Variants in NHSL1 observed in about 807,000 individuals in gnomAD.
The protein encoded by NHSL1 is NHS like 1.
A neutral mutation model predicts 95.0 loss-of-function variants in NHSL1; 48 were observed. The ratio of observed to expected loss-of-function variants is 0.51; its 90% confidence interval spans 0.40 to 0.64. The LOEUF is 0.64. NHSL1 is among the 30% of genes least tolerant of loss of function. The pLI, the probability that NHSL1 is intolerant of heterozygous loss-of-function variation, is 0.00. For missense variants in NHSL1, 1,971 were observed against 2,077.7 expected, an observed-to-expected ratio of 0.95 and a Z score of 1.00; for synonymous variants, 783 against 833.9, an observed-to-expected ratio of 0.94 and a Z score of 1.05.
chr6:138,619,845 G>A (rs1784629978), intron 1 of NHSL1, among the ~76,000 whole-genome samples: 1 of 151,884 alleles, frequency 6.6e-6, no homozygotes, highest in African/African-American at 2.4e-5. Flanking sequence ...CTACTCTGGA[G>A]GCTGAGGCAG....
Position 138,448,505 on chromosome 6 carries a change from C to T in NHSL1, c.340-1312G>A, listed in dbSNP as rs149531462. Reference sequence around the variant, plus strand: ...ACAACCAGCACCCAGTTCAATACACCCGCTACCCCAACCACATACCCCCAA... The same window carrying T: ...ACAACCAGCACCCAGTTCAATACACTCGCTACCCCAACCACATACCCCCAA... On this transcript the variant is annotated intron_variant, in intron 3 of 7. Coordinates refer to ENST00000343505, the MANE Select transcript of NHSL1 (RefSeq NM_001144060.2). Among the ~76,000 whole-genome samples the T allele has an allele frequency of 2.6e-5, 4 of 152,256 alleles. No homozygotes were observed. In the East Asian group the frequency reaches 7.7e-4, roughly 29 times the overall value.
At chr6:138,538,674 T>C (rs1477013948) in intron 1 of NHSL1, among the ~76,000 whole-genome samples, 1 of 152,180 alleles carries the variant, frequency 6.6e-6, no homozygotes, top group Admixed American at 6.5e-5. Context: ...TGAAACAAAA[T>C]AATGAAGAAC....
chr6:138,499,167 A>AGG lies in NHSL1; in HGVS notation c.58+64_58+65dup. The AGG allele has an allele frequency of 2.9e-6, 3 of 1,041,984 alleles. No homozygotes were observed. The Admixed American group carries it at 6.1e-5, about 21-fold the overall frequency. 64.5% of individuals were successfully genotyped at this position (1,041,984 alleles called of 1,614,324 possible). On this transcript the variant is annotated intron_variant, in intron 1 of 7. Transcript: ENST00000343505. ...CACACACACACACACACAGACACACAGGGACATATACACATATGGAAACAT... is the reference window on the plus strand; with the variant it reads ...CACACACACACACACACAGACACACAGGGGGACATATACACATATGGAAACAT...
intron 1 of NHSL1, among the ~76,000 whole-genome samples, chr6:138,515,927 C>T (rs1428495797): frequency 2.0e-5 from 3 of 152,198 alleles, no homozygotes; most frequent in Non-Finnish European, 4.4e-5. Context: ...GTCATGAAGG[C>T]GCACGCCGTC....
chr6:138,603,371 A>C (rs1449042441), intron 1 of NHSL1, among the ~76,000 whole-genome samples: 1 of 152,134 alleles, frequency 6.6e-6, no homozygotes, highest in African/African-American at 2.4e-5. Flanking sequence ...CATTTTAAAA[A>C]CACCACCACA....
intron 2 of NHSL1, among the ~76,000 whole-genome samples, chr6:138,493,976 C>T (rs58063415): frequency 0.021 from 3,122 of 152,248 alleles, 50 homozygotes; most frequent in South Asian, 0.076. Flanking sequence ...CAACAATGCC[C>T]TCACTTCTGG....
At chr6:138,521,973 C>G (rs1007178009) in intron 1 of NHSL1, among the ~76,000 whole-genome samples, 7 of 152,170 alleles carry the variant, frequency 4.6e-5, no homozygotes, top group Non-Finnish European at 8.8e-5. Context: ...AGAAGTGCAG[C>G]CAATGACTTC....
rs571184146 is a variant in NHSL1, at chr6:138,470,180, T to C, written c.339+3126A>G. ...AACATTTTTCTAATATACTTCAACT[T>C]GGTTCTACTTATTTAAGAAAAGGAA... On this transcript the variant is annotated intron_variant, in intron 3 of 7. Transcript: ENST00000343505. Among the ~76,000 whole-genome samples, 69 of 152,364 alleles carry C rather than the reference T, an allele frequency of 4.5e-4. 1 individual carries two copies. The highest frequency in any genetic ancestry group is 2.5e-3 in the Admixed American group (39 of 15,308).
chr6:138,454,724 G>T (rs1003419065), intron 3 of NHSL1, among the ~76,000 whole-genome samples: 2 of 152,206 alleles, frequency 1.3e-5, no homozygotes, highest in Admixed American at 1.3e-4. Context: ...TCTTGTTTCA[G>T]TATTTAAAAA....
At chr6:138,490,867 C>CAG in intron 2 of NHSL1, among the ~76,000 whole-genome samples, 1 of 152,310 alleles carries the variant, frequency 6.6e-6, no homozygotes, top group East Asian at 1.9e-4. Flanking sequence ...CTCCTGACCT[C>CAG]GTGATCCGCC....
intron 2 of NHSL1, among the ~76,000 whole-genome samples, chr6:138,482,316 G>T (rs886395398): frequency 1.3e-5 from 2 of 151,884 alleles, no homozygotes; most frequent in Non-Finnish European, 2.9e-5. Context: ...CGTGGTGGCG[G>T]GTGCCTGTAG....
At chr6:138,456,429 C>A (rs1777615646) in intron 3 of NHSL1, among the ~76,000 whole-genome samples, 1 of 152,148 alleles carries the variant, frequency 6.6e-6, no homozygotes, top group African/African-American at 2.4e-5. Flanking sequence ...ATCAACAAAG[C>A]CTAAAACAGA....
chr6:138,523,627 G>GAAAAAAAGA (rs1781774950), intron 1 of NHSL1, among the ~76,000 whole-genome samples: 1 of 64,890 alleles, frequency 1.5e-5, no homozygotes, highest in Non-Finnish European at 3.2e-5. Flanking sequence ...TTTTAAAGAG[G>GAAAAAAAGA]AAAAAAAAAA....
At position 138,430,434 on chromosome 6, in the gene NHSL1, C is replaced by G. The variant is rs772442790; in HGVS notation, c.3911G>C (p.Gly1304Ala). ...EEPAENSADT[G>A]GDGESCLSQQ... ...AGATAGGCAGCTCTCCCCATCGCCC[C>G]CAGTATCCGCACTGTTCTCGGCTGG... Residue 1304 changes from glycine to alanine, a missense_variant, in exon 6 of 8, where the codon GGG becomes GCG. Gly to Ala is a moderately conservative substitution (Grantham distance 60). Coordinates refer to ENST00000343505, the MANE Select transcript of NHSL1 (RefSeq NM_001144060.2). The surrounding 1 kb of genome is among the most constrained non-coding windows in gnomAD (Gnocchi z 4.7). 1.2e-5 allele frequency: 18 copies of G among 1,511,890 alleles called. No individual in the cohort carries two copies. The South Asian group carries it at 2.3e-4, about 19-fold the overall frequency. The allele number at this position is 1,511,890 out of a possible 1,614,324, so 93.7% of individuals were successfully genotyped here.
chr6:138,647,670 C>T (rs1562401609), intron 1 of NHSL1, among the ~76,000 whole-genome samples: 2 of 148,906 alleles, frequency 1.3e-5, no homozygotes, highest in East Asian at 2.0e-4. Context: ...GGCATAATCT[C>T]GCCTCACTGC....
At chr6:138,674,065 T>C (rs1347076696) in intron 1 of NHSL1, among the ~76,000 whole-genome samples, 1 of 152,184 alleles carries the variant, frequency 6.6e-6, no homozygotes. Flanking sequence ...AACTAAGGTA[T>C]GGTATTCAAA....
At chr6:138,561,892 G>A (rs1364897753) in intron 1 of NHSL1, among the ~76,000 whole-genome samples, 1 of 152,220 alleles carries the variant, frequency 6.6e-6, no homozygotes, top group African/African-American at 2.4e-5. Flanking sequence ...GCAAGATGCA[G>A]CCAGCACAGT....
intron 3 of NHSL1, among the ~76,000 whole-genome samples, chr6:138,456,385 T>C (rs1265647610): frequency 1.3e-5 from 2 of 152,244 alleles, no homozygotes; most frequent in African/African-American, 4.8e-5. Context: ...TACTGCCTTT[T>C]CTTCAAAGTC....
At chr6:138,535,093 TCTACTCTGG>T (rs2128318865) in intron 1 of NHSL1, among the ~76,000 whole-genome samples, 1 of 152,238 alleles carries the variant, frequency 6.6e-6, no homozygotes, top group African/African-American at 2.4e-5. Context: ...TCTTAAAAGA[TCTACTCTGG>T]CTACTGGGTT....
Sources: gnomAD v4.1 joint callset for allele counts (sites outside exome capture counted in the v4.1 genomes callset) on GRCh38, gnomAD v4.1.1 for gene constraint, Gnocchi (gnomAD v3.1) non-coding constraint, MANE v1.5 for transcripts, NCBI Gene and HGNC (gene_info 2026-07-23, HGNC 2026-07-21) for gene names.